The following PLEKHA1 variants were observed in gnomAD, a reference collection of about 807,000 sequenced individuals.
The protein encoded by PLEKHA1 is pleckstrin homology domain-containing family A member 1.
PLEKHA1 carries 34 observed loss-of-function variants against 52.0 expected under a neutral mutation model. That is an observed-to-expected ratio of 0.65 (90% CI 0.50 to 0.87). PLEKHA1 has a LOEUF of 0.87. Among genes scored for constraint, PLEKHA1 ranks in the 40% least tolerant of loss-of-function variants. The pLI is 0.00. For synonymous variants in PLEKHA1, 163 were observed against 170.7 expected (o/e 0.95, Z 0.35); for missense variants, 497 against 504.2 (o/e 0.99, Z 0.14).
At chr10:122,422,003 T>G (rs1370647966) in intron 8 of PLEKHA1, 2 of 152,118 alleles carry the variant, frequency 1.3e-5, no homozygotes, top group East Asian at 3.9e-4. Flanking sequence ...AGGAAGTGGC[T>G]CAGAGAATGA....
chr10:122,375,270 T>A (rs555268325), intron 1 of PLEKHA1, among the ~76,000 whole-genome samples: 2 of 152,062 alleles, frequency 1.3e-5, no homozygotes, highest in Non-Finnish European at 2.9e-5. Flanking sequence ...AGCGCCTCCC[T>A]CCAGGGCTGT....
chr10:122,422,188 AAT>A (rs2097269476), intron 8 of PLEKHA1: 1 of 152,224 alleles, frequency 6.6e-6, no homozygotes, highest in South Asian at 2.1e-4. Context: ...AATTCTATTT[AAT>A]ATATGTAGAT....
chr10:122,422,529 A>T (rs555534155), intron 8 of PLEKHA1: 1 of 152,224 alleles, frequency 6.6e-6, no homozygotes, highest in Non-Finnish European at 1.5e-5. Context: ...GTATAAACTG[A>T]ATCTCAGCAC....
chr10:122,385,664 ATGT>A (rs964016423), intron 1 of PLEKHA1, among the ~76,000 whole-genome samples: 1 of 152,136 alleles, frequency 6.6e-6, no homozygotes, highest in African/African-American at 2.4e-5. Context: ...AGATTTATTC[ATGT>A]TGTTGCATCT....
At chr10:122,424,114 T>C (rs1191821392) in intron 8 of PLEKHA1, 85 bp from the exon 9 acceptor site, 1 of 1,459,284 alleles carries the variant, frequency 6.9e-7, no homozygotes, top group African/African-American at 1.5e-5. Flanking sequence ...TTCACATGGG[T>C]CTTCAAATAA....
At chr10:122,386,161 TTTTG>T (rs1399030877) in intron 1 of PLEKHA1, among the ~76,000 whole-genome samples, 6 of 152,224 alleles carry the variant, frequency 3.9e-5, no homozygotes, top group African/African-American at 9.7e-5. Context: ...TCAGGGTTTT[TTTTG>T]TTTGTTTTAG....
At chr10:122,416,588 A>G (rs1173228589) in intron 7 of PLEKHA1, among the ~76,000 whole-genome samples, 1 of 152,236 alleles carries the variant, frequency 6.6e-6, no homozygotes, top group African/African-American at 2.4e-5. Flanking sequence ...GGTACTTAGT[A>G]AAAGCTGTTA....
chr10:122,417,896 G>A lies in PLEKHA1; in HGVS notation c.613-4G>A, dbSNP rs752750413. 1.2e-6 allele frequency: 2 copies of A among 1,604,342 alleles called. No individual in the cohort carries two copies. The highest frequency in any genetic ancestry group is 1.1e-5 in the South Asian group (1 of 90,898). ...AGTCTTATGTCTGTGTTCATCTCTG[G>A]TAGATGAAAAACTGGAAGAGAAGAT... On this transcript the variant is annotated splice_region_variant and splice_polypyrimidine_tract_variant and intron_variant, in intron 7 of 11. Transcript: ENST00000368990.
the PLEKHA1 span, chr10:122,440,313 ATCC>A: frequency 6.6e-6 from 1 of 152,228 alleles, no homozygotes; most frequent in Non-Finnish European, 1.5e-5. Context: ...ATTTGAACTT[ATCC>A]TACGTTCATT....
rs1183394376 is a variant in PLEKHA1 at position 122,428,285 on chromosome 10, G to A, written c.900+1254G>A. The A allele has an allele frequency of 6.5e-6, 10 of 1,542,836 alleles. No individual in the cohort carries two copies. The South Asian group carries it at 1.2e-4, about 19-fold the overall frequency. ...TTGCACTGTGTTCCAGATGCGGCAG[G>A]CCAGAAGGCTGTCGAACCCTTGTAT... is the stretch of plus-strand genomic sequence containing the variant. On this transcript the variant is annotated intron_variant, in intron 11 of 11. Transcript: ENST00000368990.
chr10:122,382,426 C>A (rs986107732), intron 1 of PLEKHA1, among the ~76,000 whole-genome samples: 1 of 152,188 alleles, frequency 6.6e-6, no homozygotes, highest in Admixed American at 6.5e-5. Context: ...CTTCTAGATT[C>A]AATAGATACC....
rs2097395904 is a variant in PLEKHA1, at chr10:122,429,550, A to T, written c.901-74A>T. 2.3e-6 allele frequency: 3 copies of T among 1,329,264 alleles called. No homozygotes were observed. In the African/African-American group the frequency reaches 4.4e-5, roughly 20 times the overall value. The allele number at this position is 1,329,264 out of a possible 1,614,324, so 82.3% of individuals were successfully genotyped here. A position where few individuals can be genotyped will look rare whatever the true frequency, so the allele number is the denominator to read the frequency against. ...TGTGTGTTTTATTTGTTTTTCAGAG[A>T]ATCAAGTCTCACACTGAGTTACTAA... is the stretch of plus-strand genomic sequence containing the variant. On this transcript the variant is annotated intron_variant, in intron 11 of 11. Transcript: ENST00000368990.
intron 3 of PLEKHA1, among the ~76,000 whole-genome samples, chr10:122,399,842 C>T (rs1476487086): frequency 6.6e-6 from 1 of 152,140 alleles, no homozygotes; most frequent in Admixed American, 6.5e-5. Context: ...GCCTTGGCCT[C>T]TCAAAGTGCT....
At chr10:122,399,127 G>T (rs1451173427) in intron 3 of PLEKHA1, among the ~76,000 whole-genome samples, 16 of 152,006 alleles carry the variant, frequency 1.1e-4, no homozygotes, top group Admixed American at 8.5e-4. Flanking sequence ...TGTGCAGTTT[G>T]TACTCTACTT....
chr10:122,401,628 C>T (rs17649042), intron 4 of PLEKHA1, among the ~76,000 whole-genome samples: 13,503 of 152,120 alleles, frequency 0.089, 746 homozygotes, highest in Middle Eastern at 0.17. Context: ...TGGAAATGTT[C>T]TGTTGACAGT....
chr10:122,428,958 GT>G (rs1386827058), intron 11 of PLEKHA1, among the ~76,000 whole-genome samples: 3 of 152,228 alleles, frequency 2.0e-5, no homozygotes, highest in Admixed American at 2.0e-4. Context: ...TTTCACCACA[GT>G]TTAAAATGTG....
intron 11 of PLEKHA1, among the ~76,000 whole-genome samples, chr10:122,428,978 G>T (rs1183357832): frequency 6.6e-6 from 1 of 152,122 alleles, no homozygotes; most frequent in Non-Finnish European, 1.5e-5. Context: ...TGATAAATGT[G>T]TACCCTTTGT....
At chr10:122,375,860 G>A (rs573622941) in intron 1 of PLEKHA1, among the ~76,000 whole-genome samples, 4 of 152,196 alleles carry the variant, frequency 2.6e-5, no homozygotes, top group African/African-American at 9.6e-5. Context: ...ACAATTGATC[G>A]TTGTTTTAAT....
chr10:122,424,138 TG>T, intron 8 of PLEKHA1, 60 bp from the exon 9 acceptor site: 1 of 1,506,602 alleles, frequency 6.6e-7, no homozygotes, highest in Admixed American at 2.6e-5. Flanking sequence ...AGCTAACCTT[TG>T]AAAGGATTTT....
Sources: gnomAD v4.1 joint callset for allele counts (sites outside exome capture counted in the v4.1 genomes callset) on GRCh38, gnomAD v4.1.1 for gene constraint, MANE v1.5 for transcripts, NCBI Gene and HGNC (gene_info 2026-07-23, HGNC 2026-07-21) for gene names.